DLGAP2: variants seen among roughly 807,000 people sequenced by gnomAD.
DLGAP2 encodes the protein DLG associated protein 2, also known as disks large-associated protein 2.
A neutral mutation model predicts 100.3 loss-of-function variants in DLGAP2; 26 were observed. That is an observed-to-expected ratio of 0.26 (90% CI 0.19 to 0.36). The LOEUF is 0.36. Among genes scored for constraint, DLGAP2 ranks in the 10% least tolerant of loss-of-function variants. The pLI is 1.00. For missense variants in DLGAP2, 1,858 were observed against 1,453.2 expected, an observed-to-expected ratio of 1.28 and a Z score of -4.53; for synonymous variants, 886 against 630.1, an observed-to-expected ratio of 1.41 and a Z score of -6.08.
intron 3 of DLGAP2, among the ~76,000 whole-genome samples, chr8:1,277,132 T>C (rs374715066): frequency 7.9e-5 from 12 of 152,206 alleles, no homozygotes; most frequent in African/African-American, 2.7e-4. Context: ...TTCATGATTA[T>C]TTCCTTAGGG....
At chr8:964,944 C>T (rs1034922339) in intron 2 of DLGAP2, among the ~76,000 whole-genome samples, 7 of 151,866 alleles carry the variant, frequency 4.6e-5, no homozygotes, top group African/African-American at 1.5e-4. Flanking sequence ...CTGTCGCCAC[C>T]GCACACACGG....
At chr8:1,636,738 A>C (rs899541943) in intron 8 of DLGAP2, among the ~76,000 whole-genome samples, 1 of 152,314 alleles carries the variant, frequency 6.6e-6, no homozygotes, top group East Asian at 1.9e-4. Flanking sequence ...TGATACCAGG[A>C]CCTGGTACCG....
intron 2 of DLGAP2, among the ~76,000 whole-genome samples, chr8:983,367 C>T (rs1396178367): frequency 2.7e-5 from 4 of 150,214 alleles, no homozygotes; most frequent in Non-Finnish European, 5.9e-5. Context: ...CCTTAGAATC[C>T]ACGTGTTGGT....
intron 2 of DLGAP2, among the ~76,000 whole-genome samples, chr8:1,010,839 C>T (rs572704742): frequency 1.4e-4 from 21 of 152,370 alleles, no homozygotes; most frequent in Non-Finnish European, 2.1e-4. Context: ...TCACGGGGCT[C>T]CTCTCCTCTG....
intron 3 of DLGAP2, among the ~76,000 whole-genome samples, chr8:1,313,671 A>C (rs1224205221): frequency 6.6e-6 from 1 of 152,222 alleles, no homozygotes; most frequent in Non-Finnish European, 1.5e-5. Context: ...GGATACCTCA[A>C]GTCCCACCTG....
chr8:1,319,840 G>A (rs1179501333), intron 3 of DLGAP2, among the ~76,000 whole-genome samples: 1 of 152,198 alleles, frequency 6.6e-6, no homozygotes, highest in Non-Finnish European at 1.5e-5. Context: ...GCAAGGTCAG[G>A]TTGCTGGAGC....
intron 6 of DLGAP2, among the ~76,000 whole-genome samples, chr8:1,585,142 C>G (rs1306167931): frequency 6.6e-6 from 1 of 152,152 alleles, no homozygotes; most frequent in African/African-American, 2.4e-5. Flanking sequence ...AAGAGGGAGG[C>G]TCCTAAGACT....
At chr8:1,007,099 C>G (rs77627931) in intron 2 of DLGAP2, among the ~76,000 whole-genome samples, 7 of 151,942 alleles carry the variant, frequency 4.6e-5, no homozygotes, top group African/African-American at 4.8e-5. Flanking sequence ...TTTATCATGT[C>G]GGGGACGCCG....
intron 2 of DLGAP2, among the ~76,000 whole-genome samples, chr8:1,244,469 G>A (rs1322775003): frequency 6.6e-6 from 1 of 152,204 alleles, no homozygotes; most frequent in African/African-American, 2.4e-5. Flanking sequence ...TAGAAACATA[G>A]GAAGGGGCAA....
chr8:1,408,128 C>G (rs1267956379), intron 3 of DLGAP2, among the ~76,000 whole-genome samples: 2 of 152,238 alleles, frequency 1.3e-5, no homozygotes, highest in Non-Finnish European at 2.9e-5. Flanking sequence ...TCAAGGCAAG[C>G]CTGGTCTCTG....
intron 1 of DLGAP2, among the ~76,000 whole-genome samples, chr8:866,372 G>C (rs1797498669): frequency 6.6e-6 from 1 of 152,240 alleles, no homozygotes; most frequent in South Asian, 2.1e-4. Flanking sequence ...GGCGGGCGCA[G>C]GTGACCAGAC....
intron 3 of DLGAP2, among the ~76,000 whole-genome samples, chr8:1,470,869 G>T (rs866232511): frequency 7.6e-5 from 1 of 13,086 alleles, no homozygotes; most frequent in African/African-American, 2.2e-4. Context: ...AGCCTTTCCC[G>T]ACCCCTCCAT....
At chr8:1,616,677 T>C (rs1797164631) in intron 6 of DLGAP2, among the ~76,000 whole-genome samples, 1 of 152,232 alleles carries the variant, frequency 6.6e-6, no homozygotes, top group African/African-American at 2.4e-5. Flanking sequence ...ATAAAGACTT[T>C]TCAAACAGAA....
chr8:1,254,948 T>TGCTGTGTGTGTGTCCTCTCCTGCCCGGGC (rs1799143693), intron 2 of DLGAP2, among the ~76,000 whole-genome samples: 1,463 of 125,438 alleles, frequency 0.012, 33 homozygotes, highest in South Asian at 0.035. Context: ...CCTGCCCGGG[T>TGCTGTGTGTGTGTCCTCTCCTGCCCGGGC]GCTGTGTGTG....
chr8:1,554,582 C>T (rs1462998587), intron 5 of DLGAP2, among the ~76,000 whole-genome samples: 3 of 152,128 alleles, frequency 2.0e-5, no homozygotes, highest in East Asian at 1.9e-4. Context: ...CTCCTGAGCC[C>T]GGGTCCTGTC....
At chr8:1,066,551 T>C (rs1411434923) in intron 2 of DLGAP2, among the ~76,000 whole-genome samples, 429 of 66,744 alleles carry the variant, frequency 6.4e-3, no homozygotes, top group South Asian at 0.01. Flanking sequence ...GGCAGTTCCC[T>C]ACCACGGTCA....
At chr8:1,645,921 GC>G (rs1272641968) in intron 8 of DLGAP2, among the ~76,000 whole-genome samples, 4 of 152,216 alleles carry the variant, frequency 2.6e-5, no homozygotes, top group African/African-American at 9.6e-5. Context: ...TCATATTCCA[GC>G]CTTGTCTTTC....
intron 8 of DLGAP2, among the ~76,000 whole-genome samples, chr8:1,652,645 T>C (rs1259878509): frequency 6.6e-6 from 1 of 152,146 alleles, no homozygotes; most frequent in Non-Finnish European, 1.5e-5. Context: ...TTTGGGGACA[T>C]GTACATGGAT....
intron 3 of DLGAP2, among the ~76,000 whole-genome samples, chr8:1,415,513 C>T (rs184400009): frequency 7.2e-5 from 11 of 152,232 alleles, no homozygotes; most frequent in African/African-American, 2.2e-4. Context: ...ACCTTTATGT[C>T]CACGTGTGCC....
Sources: allele counts gnomAD v4.1 joint callset (sites outside exome capture counted in the v4.1 genomes callset), GRCh38; gene constraint gnomAD v4.1.1; transcripts MANE v1.5; gene names NCBI Gene and HGNC (gene_info 2026-07-23, HGNC 2026-07-21).